FANCL: variants seen among roughly 807,000 people sequenced by gnomAD.
FANCL encodes the protein FA complementation group L.
FANCL carries 69 observed loss-of-function variants against 59.4 expected under a neutral mutation model. That is an observed-to-expected ratio of 1.16 (90% CI 0.96 to 1.42). The LOEUF is 1.42. Among genes scored for constraint, FANCL ranks in the 40% most tolerant of loss-of-function variants. FANCL has a pLI of 0.00. For missense variants in FANCL, 519 were observed against 447.2 expected (o/e 1.16, Z -1.45); for synonymous variants, 180 against 147.1 (o/e 1.22, Z -1.62).
chr2:58,218,315 TA>T (rs533632493), intron 5 of FANCL, among the ~76,000 whole-genome samples: 20 of 151,614 alleles, frequency 1.3e-4, no homozygotes, highest in African/African-American at 2.9e-4. Context: ...ATATTAATGA[TA>T]AAAAAATATA....
At chr2:58,163,186 T>C in intron 9 of FANCL, 112 bp from the exon 10 acceptor site, 4 of 988,194 alleles carry the variant, frequency 4.0e-6, no homozygotes, top group Non-Finnish European at 4.6e-6. Context: ...CAAAATTATA[T>C]GTATTATGTT....
At chr2:58,191,979 A>C (rs1461851868) in intron 7 of FANCL, among the ~76,000 whole-genome samples, 2 of 151,946 alleles carry the variant, frequency 1.3e-5, no homozygotes, top group Non-Finnish European at 2.9e-5. Flanking sequence ...ACAGAGCCAG[A>C]ATTTGATCCA....
At chr2:58,165,179 G>A (rs1685766496) in intron 8 of FANCL, among the ~76,000 whole-genome samples, 1 of 151,966 alleles carries the variant, frequency 6.6e-6, no homozygotes, top group Non-Finnish European at 1.5e-5. Context: ...ACATTGCACA[G>A]GTATTTATGA....
At chr2:58,160,497 C>T (rs1467772083) in intron 12 of FANCL, among the ~76,000 whole-genome samples, 1 of 151,948 alleles carries the variant, frequency 6.6e-6, no homozygotes. Flanking sequence ...ATAATGCATA[C>T]TAAGTTCCTG....
chr2:58,210,358 T>C (rs1379917592), intron 5 of FANCL, among the ~76,000 whole-genome samples: 2 of 151,996 alleles, frequency 1.3e-5, no homozygotes, highest in African/African-American at 4.8e-5. Flanking sequence ...AGAAACCCAA[T>C]AAAACCATCA....
chr2:58,160,262 A>G, intron 12 of FANCL, 83 bp from the exon 13 acceptor site: 1 of 1,384,036 alleles, frequency 7.2e-7, no homozygotes, highest in Non-Finnish European at 1.0e-6. Flanking sequence ...TTTGTTTTTA[A>G]GTGCATTATG....
At chr2:58,162,334 C>A (rs1210855770) in intron 11 of FANCL, among the ~76,000 whole-genome samples, 3 of 151,920 alleles carry the variant, frequency 2.0e-5, no homozygotes, top group Admixed American at 2.0e-4. Flanking sequence ...CATAAACAGA[C>A]TATGTAGAAA....
chr2:58,221,310 G>C (rs1382449532), intron 5 of FANCL, among the ~76,000 whole-genome samples: 1 of 151,976 alleles, frequency 6.6e-6, no homozygotes, highest in Non-Finnish European at 1.5e-5. Context: ...ACACTAAGAA[G>C]GAAGCTAAAT....
intron 7 of FANCL, among the ~76,000 whole-genome samples, chr2:58,185,058 T>C (rs903946112): frequency 1.3e-5 from 2 of 152,000 alleles, no homozygotes; most frequent in African/African-American, 4.8e-5. Flanking sequence ...ACTAGAAAAC[T>C]ACCTCTATAA....
chr2:58,177,318 A>G (rs1687434071), intron 7 of FANCL, among the ~76,000 whole-genome samples: 1 of 152,174 alleles, frequency 6.6e-6, no homozygotes, highest in Non-Finnish European at 1.5e-5. Context: ...GCTGCTATAA[A>G]GACACATGCA....
intron 5 of FANCL, among the ~76,000 whole-genome samples, chr2:58,214,975 C>G (rs1386712153): frequency 6.6e-6 from 1 of 152,196 alleles, no homozygotes; most frequent in Non-Finnish European, 1.5e-5. Context: ...TCAACCATGT[C>G]AGATCCACTG....
chr2:58,183,151 C>A (rs960860700), intron 7 of FANCL, among the ~76,000 whole-genome samples: 4 of 150,696 alleles, frequency 2.7e-5, no homozygotes, highest in Admixed American at 6.6e-5. Context: ...GGATTGATAC[C>A]CTTAATATAT....
chr2:58,220,023 C>T (rs116631235), intron 5 of FANCL, among the ~76,000 whole-genome samples: 4,992 of 151,818 alleles, frequency 0.033, 319 homozygotes, highest in African/African-American at 0.11. Flanking sequence ...AATAAAGTAG[C>T]TCGGTTCTAA....
intron 7 of FANCL, among the ~76,000 whole-genome samples, chr2:58,189,392 AAC>A (rs1356845404): frequency 4.0e-5 from 6 of 151,698 alleles, no homozygotes; most frequent in Non-Finnish European, 8.8e-5. Flanking sequence ...GAACTTAAAA[AAC>A]ACAAAATAGT....
intron 7 of FANCL, among the ~76,000 whole-genome samples, chr2:58,172,807 GAGA>G (rs1393466357): frequency 3.9e-5 from 6 of 152,340 alleles, no homozygotes; most frequent in Non-Finnish European, 8.8e-5. Context: ...GACGAGTTGA[GAGA>G]AGAAGGCTTC....
intron 4 of FANCL, among the ~76,000 whole-genome samples, chr2:58,224,916 C>A (rs1692837228): frequency 6.6e-6 from 1 of 151,850 alleles, no homozygotes. Context: ...GTTTTGTCCA[C>A]TGAAAAAACC....
intron 7 of FANCL, among the ~76,000 whole-genome samples, chr2:58,171,086 C>T (rs1686557233): frequency 6.6e-6 from 1 of 152,160 alleles, no homozygotes; most frequent in African/African-American, 2.4e-5. Flanking sequence ...CCTCTCAGCA[C>T]CACATCACAC....
intron 1 of FANCL, among the ~76,000 whole-genome samples, chr2:58,239,788 TAAC>T (rs1353835447): frequency 6.6e-6 from 1 of 152,188 alleles, no homozygotes; most frequent in Non-Finnish European, 1.5e-5. Context: ...TACATATACT[TAAC>T]AATGATCAGT....
In FANCL at chr2:58,162,437, A is replaced by T. The variant is rs115916037; in HGVS notation, c.903+429T>A. ...CGTCACTACTGAAGACCATGAAAAAAGTATATAGTTGACCCTTGAACAACA... is the reference window on the plus strand; with the variant it reads ...CGTCACTACTGAAGACCATGAAAAATGTATATAGTTGACCCTTGAACAACA... On this transcript the variant is annotated intron_variant, in intron 11 of 13. Transcript: ENST00000233741. Among the ~76,000 whole-genome samples, 887 of 152,086 alleles carry T rather than the reference A, an allele frequency of 5.8e-3. 11 individuals are homozygous for T. The highest frequency in any genetic ancestry group is 0.02 in the African/African-American group (837 of 41,544).
Sources: allele counts gnomAD v4.1 joint callset (sites outside exome capture counted in the v4.1 genomes callset), GRCh38; gene constraint gnomAD v4.1.1; transcripts MANE v1.5; gene names NCBI Gene and HGNC (gene_info 2026-07-23, HGNC 2026-07-21).